The following UNC119B variants were observed in gnomAD, a reference collection of about 807,000 sequenced individuals.
UNC119B encodes unc-119 lipid binding chaperone B, also known as protein unc-119 homolog B.
A neutral mutation model predicts 23.4 loss-of-function variants in UNC119B; 16 were observed. The ratio of observed to expected loss-of-function variants is 0.68; its 90% CI spans 0.46 to 1.04. The LOEUF is 1.04. UNC119B is among the 50% of genes least tolerant of loss of function. The probability of loss-of-function intolerance (pLI) is 0.00; values close to 1 mark genes in which losing one functional copy is unlikely to be tolerated. For synonymous variants in UNC119B, 144 were observed against 145.4 expected (o/e 0.99, Z 0.07); for missense variants, 350 against 361.3 (o/e 0.97, Z 0.25).
Position 120,713,182 on chromosome 12 carries a change from A to T in UNC119B, c.245-92A>T, listed in dbSNP as rs1882703169. 5.5e-6 allele frequency: 6 copies of T among 1,083,094 alleles called. No individual in the cohort carries two copies. The East Asian group carries it at 1.5e-4, about 27-fold the overall frequency. The allele number at this position is 1,083,094 out of a possible 1,614,324, so 67.1% of individuals were successfully genotyped here. A position where few individuals can be genotyped will look rare whatever the true frequency, so the allele number is the denominator to read the frequency against. ...GTATTTTAAGTGTGTTGTGTAAGAAAAAATCTGAGTTTGCTTCAAAACTTG... is the reference window on the plus strand; with the variant it reads ...GTATTTTAAGTGTGTTGTGTAAGAATAAATCTGAGTTTGCTTCAAAACTTG... On this transcript the variant is annotated intron_variant, in intron 1 of 4. Transcript: ENST00000344651.
At position 120,717,159 on chromosome 12, in the gene UNC119B, G is replaced by C. The variant is rs143449081; in HGVS notation, c.643+117G>C. The C allele has an allele frequency of 4.9e-6, 5 of 1,021,306 alleles. No individual in the cohort carries two copies. The Admixed American group carries it at 1.2e-4, about 25-fold the overall frequency. 63.3% of individuals were successfully genotyped at this position (1,021,306 alleles called of 1,614,324 possible). A position where few individuals can be genotyped will look rare whatever the true frequency, so the allele number is the denominator to read the frequency against. On this transcript the variant is annotated intron_variant, in intron 4 of 4. Transcript: ENST00000344651. ...TCTCGTGGCAGTGCTGACATGATGC[G>C]TATCTAGTCATTTGACCTCAGGCTT...
rs1882874601 is a variant in UNC119B, at chr12:120,720,575, C to G, written c.*543C>G. The G allele has an allele frequency of 6.5e-6, 1 of 153,004 alleles. No homozygotes were observed. The highest frequency in any genetic ancestry group is 2.4e-5 in the African/African-American group (1 of 41,446). 9.5% of individuals were successfully genotyped at this position (153,004 alleles called of 1,614,324 possible). A position where few individuals can be genotyped will look rare whatever the true frequency, so the allele number is the denominator to read the frequency against. ...GAAAGGGTGGGGAGGGAGGGAGGTG[C>G]CAAGAGTGGAGGCACCAAGGAATGG... On this transcript the variant is annotated 3_prime_UTR_variant, in exon 5 of 5. Coordinates refer to ENST00000344651, the MANE Select transcript of UNC119B (RefSeq NM_001080533.3).
chr12:120,718,101 C>T (rs1390279816), intron 4 of UNC119B, among the ~76,000 whole-genome samples: 1 of 152,144 alleles, frequency 6.6e-6, no homozygotes, highest in Non-Finnish European at 1.5e-5. Flanking sequence ...ATCTCCTGAC[C>T]TCGTGATCCG....
intron 4 of UNC119B, 29 bp from the exon 5 acceptor site, chr12:120,719,891 T>A (rs376114708): frequency 1.3e-6 from 2 of 1,558,076 alleles, no homozygotes; most frequent in Non-Finnish European, 1.8e-6. Flanking sequence ...ATTCTTTGCT[T>A]TTTTCTTCCC....
At chr12:120,716,508 C>T (rs1250142240) in intron 2 of UNC119B, 120 bp from the exon 3 acceptor site, 2 of 1,016,746 alleles carry the variant, frequency 2.0e-6, no homozygotes, top group African/African-American at 1.6e-5. Context: ...AAACACTGGC[C>T]ATTCTTCTTG....
In UNC119B at chr12:120,710,458, A is replaced by G. The variant is rs1185128966; in HGVS notation, c.-17A>G. ...TTACCGCGCTGTGGAGGCGGCGGCCATCTTGGCGGCGGAGCGATGAGCGGG... is the reference window on the plus strand; with the variant it reads ...TTACCGCGCTGTGGAGGCGGCGGCCGTCTTGGCGGCGGAGCGATGAGCGGG... On this transcript the variant is annotated 5_prime_UTR_variant, in exon 1 of 5. Coordinates refer to ENST00000344651, the MANE Select transcript of UNC119B (RefSeq NM_001080533.3). 4.3e-6 allele frequency: 5 copies of G among 1,158,234 alleles called. No individual in the cohort carries two copies. Among genetic ancestry groups the G allele is most frequent in the Non-Finnish European group, 5.3e-6 (5 of 936,358 alleles). The allele number at this position is 1,158,234 out of a possible 1,614,324, so 71.7% of individuals were successfully genotyped here.
intron 1 of UNC119B, chr12:120,711,846 C>G (rs549506299): frequency 6.6e-6 from 1 of 152,306 alleles, no homozygotes; most frequent in Admixed American, 6.5e-5. Flanking sequence ...TTCCCATTTC[C>G]TAAAAGAGTT....
At chr12:120,712,710 T>C (rs1374889109) in intron 1 of UNC119B, among the ~76,000 whole-genome samples, 1 of 152,246 alleles carries the variant, frequency 6.6e-6, no homozygotes, top group Admixed American at 6.5e-5. Flanking sequence ...TACTGGAATA[T>C]AGCCACATTC....
intron 1 of UNC119B, 21 bp downstream of exon 1, chr12:120,710,739 G>A: frequency 7.5e-7 from 1 of 1,333,450 alleles, no homozygotes; most frequent in Non-Finnish European, 9.6e-7. Flanking sequence ...CGCGGGCCGC[G>A]CCCTCCCCTC....
intron 4 of UNC119B, among the ~76,000 whole-genome samples, chr12:120,719,262 CTG>C (rs1376987781): frequency 6.6e-6 from 1 of 152,158 alleles, no homozygotes; most frequent in Non-Finnish European, 1.5e-5. Context: ...GAGGTAGTGA[CTG>C]TTAATTATCT....
Sources: allele counts gnomAD v4.1 joint callset (sites outside exome capture counted in the v4.1 genomes callset), GRCh38; gene constraint gnomAD v4.1.1; transcripts MANE v1.5; gene names NCBI Gene and HGNC (gene_info 2026-07-23, HGNC 2026-07-21).